VPS13B: variants seen among roughly 807,000 people sequenced by gnomAD.
VPS13B encodes the protein intermembrane lipid transfer protein VPS13B.
In VPS13B, 285 loss-of-function variants were observed where a neutral mutation model predicts 426.4. The ratio of observed to expected loss-of-function variants is 0.67; its 90% CI spans 0.61 to 0.74. The LOEUF (loss-of-function observed/expected upper bound fraction) is 0.74. Among genes scored for constraint, VPS13B ranks in the 30% least tolerant of loss-of-function variants. VPS13B has a pLI of 0.00. For synonymous variants in VPS13B, 1,676 were observed against 1,676.4 expected (o/e 1.00, Z 0.01); for missense variants, 4,537 against 4,782.6 (o/e 0.95, Z 1.51).
At chr8:99,456,355 G>A (rs916061512) in intron 23 of VPS13B, among the ~76,000 whole-genome samples, 1 of 152,016 alleles carries the variant, frequency 6.6e-6, no homozygotes, top group African/African-American at 2.4e-5. Flanking sequence ...TTTTATTAGA[G>A]ACAGCGTTTC....
At position 99,096,388 on chromosome 8, in the gene VPS13B, G is replaced by C; in HGVS notation, c.368G>C (p.Arg123Pro). The change falls in exon 4 of 62, where the codon CGG (arginine) becomes CCG (proline). Residue 123 changes from arginine (R) to proline (P), a missense_variant. Coordinates refer to ENST00000357162, the MANE Select transcript of VPS13B (RefSeq NM_152564.5). ...AESTKSSIKPRRMQQAAPTDP... is the reference protein window; with the variant it reads ...AESTKSSIKPPRMQQAAPTDP... ...AGCACAAAATCATCAATCAAACCGC[G>C]GAGAATGCAGCAGGCTGCTCCTACA... 2 of 1,614,040 alleles carry C rather than the reference G, an allele frequency of 1.2e-6. No individual in the cohort carries two copies. The highest frequency in any genetic ancestry group is 3.3e-5 in the Admixed American group (2 of 60,002).
rs1188341032 is a variant in VPS13B at position 99,014,749 on chromosome 8, C to T, written c.147+814C>T. On this transcript the variant is annotated intron_variant, in intron 2 of 61. Coordinates refer to ENST00000357162, the MANE Select transcript of VPS13B (RefSeq NM_152564.5). The stretch of plus-strand genomic sequence containing the variant: ...TCATGAGGAAAGATGACATTTCCCA[C>T]GGCATCCTCAGAGTGTTGAGTAGAT... Among the ~76,000 whole-genome samples, 6 of 150,454 alleles carry T rather than the reference C, an allele frequency of 4.0e-5. 1 individual carries two copies. The highest frequency in any genetic ancestry group is 7.1e-3 in the Middle Eastern group (2 of 282).
intron 61 of VPS13B, among the ~76,000 whole-genome samples, chr8:99,872,558 AAAAACAGGTG>A (rs1267394282): frequency 6.6e-6 from 1 of 152,214 alleles, no homozygotes; most frequent in Admixed American, 6.5e-5. Flanking sequence ...AGCCCAGGGT[AAAAACAGGTG>A]CACCCACTGG....
chr8:99,844,674 G>T (rs1815888202), intron 54 of VPS13B, among the ~76,000 whole-genome samples: 1 of 152,026 alleles, frequency 6.6e-6, no homozygotes, highest in Non-Finnish European at 1.5e-5. Flanking sequence ...CCGGCCTCAG[G>T]CTTCTTTTAT....
chr8:99,181,741 T>G (rs1417540033), intron 16 of VPS13B, among the ~76,000 whole-genome samples: 1 of 152,156 alleles, frequency 6.6e-6, no homozygotes, highest in Non-Finnish European at 1.5e-5. Context: ...TTGTATAAAG[T>G]TTTATTTGAC....
At chr8:99,100,325 C>G (rs1015163887) in intron 4 of VPS13B, among the ~76,000 whole-genome samples, 1 of 152,096 alleles carries the variant, frequency 6.6e-6, no homozygotes, top group African/African-American at 2.4e-5. Flanking sequence ...GGTTTCACTC[C>G]TGTCACCCAG....
rs148382847 is a variant in VPS13B at position 99,286,246 on chromosome 8, A to G, written c.2824+10992A>G. 1.4e-4 allele frequency among the ~76,000 whole-genome samples: 21 copies of G among 152,336 alleles called. No homozygotes were observed. In the East Asian group the frequency reaches 3.9e-3, roughly 28 times the overall value. On this transcript the variant is annotated intron_variant, in intron 19 of 61. Transcript: ENST00000357162. ...ATTTTTGCCATTTGGGCATAGCCCTATTGTTCGCAGGTACATATTTCATTT... is the reference window on the plus strand; with the variant it reads ...ATTTTTGCCATTTGGGCATAGCCCTGTTGTTCGCAGGTACATATTTCATTT...
At chr8:99,398,965 T>C (rs1207934757) in intron 21 of VPS13B, among the ~76,000 whole-genome samples, 5 of 152,096 alleles carry the variant, frequency 3.3e-5, no homozygotes, top group Admixed American at 3.3e-4. Flanking sequence ...TTCATTCAGA[T>C]GGTTAGCGGG....
At chr8:99,145,953 C>A (rs916073148) in intron 13 of VPS13B, among the ~76,000 whole-genome samples, 1 of 152,182 alleles carries the variant, frequency 6.6e-6, no homozygotes, top group African/African-American at 2.4e-5. Flanking sequence ...TTTACATCTT[C>A]CCAGCATTTT....
chr8:99,284,503 A>C (rs1363413672), intron 19 of VPS13B, among the ~76,000 whole-genome samples: 20 of 152,156 alleles, frequency 1.3e-4, no homozygotes, highest in Admixed American at 1.3e-3. Flanking sequence ...GTTCAGCTTC[A>C]TCCATTATAA....
At position 99,767,230 on chromosome 8, in the gene VPS13B, T is replaced by A. The variant is rs529391493; in HGVS notation, c.7247+260T>A. 5.3e-5 allele frequency among the ~76,000 whole-genome samples: 8 copies of A among 151,200 alleles called. No homozygotes were observed. In the East Asian group the frequency reaches 1.6e-3, roughly 29 times the overall value. ...TTCCTTAAATATAAAAAGAAAAAAA[T>A]GGAAAAAAGCAAGTTAAACAAAAAG... On this transcript the variant is annotated intron_variant, in intron 40 of 61. Transcript: ENST00000357162.
intron 17 of VPS13B, among the ~76,000 whole-genome samples, chr8:99,228,204 T>A (rs1056529899): frequency 8.5e-5 from 13 of 152,234 alleles, no homozygotes; most frequent in African/African-American, 3.1e-4. Context: ...AATTTTGTAA[T>A]TTGTGAAATG....
intron 51 of VPS13B, among the ~76,000 whole-genome samples, chr8:99,826,372 G>C (rs1021724371): frequency 3.3e-5 from 5 of 152,102 alleles, no homozygotes; most frequent in African/African-American, 1.2e-4. Context: ...CTCTCTGTTT[G>C]TCTGTTATTG....
chr8:99,639,424 GTA>G (rs1829210936), intron 33 of VPS13B, among the ~76,000 whole-genome samples: 2 of 152,080 alleles, frequency 1.3e-5, no homozygotes, highest in African/African-American at 2.4e-5. Context: ...AAAGAGCACA[GTA>G]TAGACTGCAT....
intron 19 of VPS13B, among the ~76,000 whole-genome samples, chr8:99,317,328 T>C (rs959320185): frequency 6.6e-6 from 1 of 152,196 alleles, no homozygotes; most frequent in Non-Finnish European, 1.5e-5. Flanking sequence ...TAAATCAGGG[T>C]AATTAGCATA....
At chr8:99,579,666 G>A (rs1207969879) in intron 33 of VPS13B, among the ~76,000 whole-genome samples, 1 of 151,678 alleles carries the variant, frequency 6.6e-6, no homozygotes, top group African/African-American at 2.4e-5. Flanking sequence ...CCAAAGTGCT[G>A]GGATTACAGG....
intron 30 of VPS13B, among the ~76,000 whole-genome samples, chr8:99,541,104 C>G (rs903371576): frequency 6.6e-6 from 1 of 151,900 alleles, no homozygotes; most frequent in African/African-American, 2.4e-5. Context: ...TATATTTATA[C>G]CCTATATACT....
At position 99,809,501 on chromosome 8, in the gene VPS13B, G is replaced by A. The variant is rs751700874; in HGVS notation, c.8068G>A (p.Val2690Ile). 26 of 1,613,880 alleles carry A rather than the reference G, an allele frequency of 1.6e-5. No individual in the cohort carries two copies. In the Middle Eastern group the frequency reaches 4.9e-4, roughly 31 times the overall value. The change falls in exon 44 of 62, where the codon GTT (valine) becomes ATT (isoleucine). Residue 2690 changes from valine to isoleucine, a missense_variant. Around this residue, in one of 2 missense-constraint regions of VPS13B, gnomAD observed 4,311 missense variants for 4,474.3 expected, o/e 0.96. Transcript: ENST00000357162. ...RGRTASLIIK[V>I]QQLNGVQKQI... The stretch of plus-strand genomic sequence containing the variant: ...TCGAACTGCTTCTCTCATCATCAAG[G>A]TTCAGCAACTCAATGGAGTACAAAA...
intron 3 of VPS13B, among the ~76,000 whole-genome samples, chr8:99,078,696 G>T (rs1466200597): frequency 6.6e-6 from 1 of 152,104 alleles, no homozygotes; most frequent in Non-Finnish European, 1.5e-5. Context: ...AGTCTGGTGG[G>T]TCCTCAGAGT....
Sources: allele counts gnomAD v4.1 joint callset (sites outside exome capture counted in the v4.1 genomes callset), GRCh38; gene constraint gnomAD v4.1.1; regional missense constraint gnomAD v4.1.1; transcripts MANE v1.5; gene names NCBI Gene and HGNC (gene_info 2026-07-23, HGNC 2026-07-21).